The following MKS1 variants were observed in gnomAD, a reference collection of about 807,000 sequenced individuals.
MKS1 encodes the protein MKS transition zone complex subunit 1.
MKS1 carries 70 observed loss-of-function variants against 83.7 expected under a neutral mutation model. That is an observed-to-expected ratio of 0.84 (90% CI 0.69 to 1.02). MKS1 has a LOEUF of 1.02. MKS1 is among the 50% of genes least tolerant of loss of function. The probability of loss-of-function intolerance (pLI) is 0.00; values close to 1 mark genes in which losing one functional copy is unlikely to be tolerated. For synonymous variants in MKS1, 251 were observed against 273.4 expected (o/e 0.92, Z 0.81); for missense variants, 681 against 726.9 (o/e 0.94, Z 0.73).
rs1036618109 is a variant in MKS1 at position 58,216,121 on chromosome 17, G to T, written c.384C>A (p.Tyr128Ter). 1.9e-6 allele frequency: 3 copies of T among 1,614,222 alleles called. No individual in the cohort carries two copies. Among genetic ancestry groups the T allele is most frequent in the Non-Finnish European group, 8.5e-7 (1 of 1,180,030 alleles). ...AATTGGTGTATCTATCAGAGTCAGT[G>T]TAGGTAAAGATTCGTCGGTTTTTCT... ...GGKKNRRIFT[Y>*]TDSDRYTNLE... Residue 128 changes from tyrosine (Y) to a stop codon, truncating the protein, a stop_gained, in exon 4 of 18, where the codon TAC becomes TAA. Coordinates refer to ENST00000393119, the MANE Select transcript of MKS1 (RefSeq NM_017777.4). LOFTEE classifies it high-confidence loss of function.
At chr17:58,218,480 A>C in intron 2 of MKS1, 140 bp downstream of exon 2, 2 of 328,484 alleles carry the variant, frequency 6.1e-6, no homozygotes, top group Non-Finnish European at 1.1e-5. Context: ...AAAAAAAAAA[A>C]GCCACAAATA....
rs772719574 is a variant in MKS1, at chr17:58,206,159, G to A, written c.1600C>T (p.Arg534Ter). Reference sequence around the variant, plus strand: ...GCCTCCTGCATGCGGCGCCGGGCTCGACGGAAGGCCTCTGTAAGGAAAGGA... The same window carrying A: ...GCCTCCTGCATGCGGCGCCGGGCTCAACGGAAGGCCTCTGTAAGGAAAGGA... ...SIHNVLEAFR[R>*]ARRRMQEARE... Residue 534 changes from arginine to a stop codon, truncating the protein, a stop_gained, in exon 18 of 18, where the codon CGA (arginine) becomes TGA (stop). Coordinates refer to ENST00000393119, the MANE Select transcript of MKS1 (RefSeq NM_017777.4). LOFTEE classifies it high-confidence loss of function. The A allele has an allele frequency of 9.9e-6, 16 of 1,613,808 alleles. No homozygotes were observed. Among genetic ancestry groups the A allele is most frequent in the African/African-American group, 4.0e-5 (3 of 74,892 alleles).
rs180755291 is a variant in MKS1 at position 58,214,612 on chromosome 17, A to G, written c.515+129T>C. 97 of 1,078,300 alleles carry G rather than the reference A, an allele frequency of 9.0e-5. 2 individuals carry two copies. The African/African-American group carries it at 1.4e-3, about 16-fold the overall frequency. The allele number at this position is 1,078,300 out of a possible 1,614,324, so 66.8% of individuals were successfully genotyped here. A position where few individuals can be genotyped will look rare whatever the true frequency, so the allele number is the denominator to read the frequency against. On this transcript the variant is annotated intron_variant, in intron 5 of 17. Coordinates refer to ENST00000393119, the MANE Select transcript of MKS1 (RefSeq NM_017777.4). ...TGAGGAAGATATTTTATATTTTTAT[A>G]TTTATTTTTTAAATTAATTACAAAG...
intron 11 of MKS1, 64 bp from the exon 12 acceptor site, chr17:58,208,647 A>G: frequency 6.8e-7 from 1 of 1,470,374 alleles, no homozygotes. Context: ...TCAGAAAAAG[A>G]CAGTTTCTTT....
chr17:58,214,212 G>A (rs753694193), intron 6 of MKS1, 47 bp downstream of exon 6: 4 of 1,613,532 alleles, frequency 2.5e-6, no homozygotes, highest in Admixed American at 3.3e-5. Flanking sequence ...GCTGGTGAGA[G>A]GAGAAAAGGA....
intron 4 of MKS1, 178 bp downstream of exon 4, chr17:58,215,910 C>A: frequency 2.6e-6 from 2 of 757,292 alleles, no homozygotes; most frequent in Non-Finnish European, 4.5e-6. Context: ...GCCTCACCAC[C>A]TGTAGACTGT....
chr17:58,212,547 CG>C (rs1968936117), intron 8 of MKS1, 113 bp from the exon 9 acceptor site: 1 of 1,157,744 alleles, frequency 8.6e-7, no homozygotes, highest in African/African-American at 1.5e-5. Flanking sequence ...GAGCTGGAGG[CG>C]TAAGCACCTG....
chr17:58,207,478 T>G (rs924527624), intron 14 of MKS1: 1 of 575,768 alleles, frequency 1.7e-6, no homozygotes, highest in African/African-American at 1.9e-5. Context: ...ATTCTCCTCA[T>G]CTAGTAAAAT....
chr17:58,205,796 C>A lies in MKS1; in HGVS notation c.*283G>T. On this transcript the variant is annotated 3_prime_UTR_variant, in exon 18 of 18. Coordinates refer to ENST00000393119, the MANE Select transcript of MKS1 (RefSeq NM_017777.4). ...CAAGGCCAGACTCACTATGGGGTCA[C>A]CCCAAACAGCTTCAGATCAAAAAGC... The A allele has an allele frequency of 1.4e-6, 2 of 1,430,882 alleles. No individual in the cohort carries two copies. Among genetic ancestry groups the A allele is most frequent in the South Asian group, 1.3e-5 (1 of 75,248 alleles). 88.6% of individuals were successfully genotyped at this position (1,430,882 alleles called of 1,614,324 possible).
At chr17:58,217,211 A>T (rs953421609) in intron 2 of MKS1, among the ~76,000 whole-genome samples, 5 of 152,230 alleles carry the variant, frequency 3.3e-5, no homozygotes, top group African/African-American at 1.2e-4. Context: ...CTGATCTTGA[A>T]TTCCCGACCT....
At position 58,207,290 on chromosome 17, in the gene MKS1, T is replaced by A. The variant is rs988261202; in HGVS notation, c.1274-72A>T. On this transcript the variant is annotated intron_variant, in intron 14 of 17. Transcript: ENST00000393119. ...TGGCCCCTCACTGACTCCCCAGCAATGACACAGGCCTAGACTCAGCTAAAA... is the reference window on the plus strand; with the variant it reads ...TGGCCCCTCACTGACTCCCCAGCAAAGACACAGGCCTAGACTCAGCTAAAA... 7 of 1,601,370 alleles carry A rather than the reference T, an allele frequency of 4.4e-6. No individual in the cohort carries two copies. In the African/African-American group the frequency reaches 8.0e-5, roughly 18 times the overall value.
chr17:58,215,996 A>G, intron 4 of MKS1, 92 bp downstream of exon 4: 2 of 1,472,844 alleles, frequency 1.4e-6, no homozygotes, highest in Non-Finnish European at 1.9e-6. Context: ...GTCTCCCCTT[A>G]CTAGGCTCTG....
rs1325790652 is a variant in MKS1 at position 58,207,176 on chromosome 17, A to G, written c.1316T>C (p.Leu439Pro). 2.5e-6 allele frequency: 4 copies of G among 1,614,170 alleles called. No individual in the cohort carries two copies. The East Asian group carries it at 8.9e-5, about 36-fold the overall frequency. Residue 439 changes from leucine to proline, a missense_variant, in exon 15 of 18, where the codon CTT (leucine) becomes CCT (proline). Physicochemically the swap from Leu to Pro is moderately conservative, Grantham distance 98. Transcript: ENST00000393119. ...CCTCCTCAGCTCAGCCACCGTGCCA[A>G]GCTCCACAGGTCTCCACGTGGAGAC... is the stretch of plus-strand genomic sequence containing the variant. ...LTVSTWRPVE[L>P]GTVAELRRFF...
chr17:58,206,919 G>GAACCTGAT, intron 15 of MKS1, 166 bp downstream of exon 15: 2 of 943,462 alleles, frequency 2.1e-6, no homozygotes, highest in Middle Eastern at 5.4e-4. Context: ...GTAGATATTG[G>GAACCTGAT]AACCTGATTC....
intron 6 of MKS1, 95 bp downstream of exon 6, chr17:58,214,164 C>T: frequency 6.3e-7 from 1 of 1,581,154 alleles, no homozygotes; most frequent in Non-Finnish European, 8.7e-7. Context: ...GTCCCTCCCT[C>T]CCCTATAACC....
Position 58,214,323 on chromosome 17 carries a change from T to A in MKS1, c.580A>T (p.Asn194Tyr). 6.2e-7 allele frequency: 1 copy of A among 1,614,096 alleles called. No individual in the cohort carries two copies. Among genetic ancestry groups the A allele is most frequent in the Non-Finnish European group, 8.5e-7 (1 of 1,180,040 alleles). Residue 194 changes from asparagine to tyrosine, a missense_variant, in exon 6 of 18, where the codon AAC becomes TAC. Asn to Tyr is a moderately radical substitution (Grantham distance 143, BLOSUM62 -2). Transcript: ENST00000393119. ...WEPSEEFVRN[N>Y]HVINTPLQTM... is the part of the protein sequence containing the mutation. The stretch of plus-strand genomic sequence containing the variant: ...TGAAGAGGGGTGTTAATGACGTGGT[T>A]GTTCCTGACAAACTCTTCTGAGGGC...
chr17:58,219,056 A>C, intron 1 of MKS1, 95 bp downstream of exon 1: 1 of 1,494,562 alleles, frequency 6.7e-7, no homozygotes. Flanking sequence ...TCGGGATTGT[A>C]AGCAGAAAGT....
rs2143777988 is a variant in MKS1 at position 58,211,012 on chromosome 17, C to CTTAGA, written c.925_926insTCTAA (p.Gly309ValfsTer2). On this transcript the variant is annotated stop_gained and frameshift_variant, in exon 10 of 18. Coordinates refer to ENST00000393119, the MANE Select transcript of MKS1 (RefSeq NM_017777.4). LOFTEE classifies it high-confidence loss of function. Reference sequence around the variant, plus strand: ...TCCATTTACAAAGAGCCGGAGGGCACCTGGGACAGTCTAAGGTGAAGAGAA... The same window carrying CTTAGA: ...TCCATTTACAAAGAGCCGGAGGGCACTTAGACTGGGACAGTCTAAGGTGAAGAGAA... The CTTAGA allele has an allele frequency of 1.2e-6, 2 of 1,614,026 alleles. No individual in the cohort carries two copies. Among genetic ancestry groups the CTTAGA allele is most frequent in the Non-Finnish European group, 1.7e-6 (2 of 1,179,990 alleles).
intron 5 of MKS1, 73 bp downstream of exon 5, chr17:58,214,668 T>C (rs940537688): frequency 4.0e-6 from 6 of 1,508,718 alleles, no homozygotes; most frequent in South Asian, 1.2e-5. Context: ...TAACCACTGA[T>C]AAAAATGCAA....
Sources: allele counts gnomAD v4.1 joint callset (sites outside exome capture counted in the v4.1 genomes callset), GRCh38; gene constraint gnomAD v4.1.1; transcripts MANE v1.5; gene names NCBI Gene and HGNC (gene_info 2026-07-23, HGNC 2026-07-21).